Variants in TRAPPC12 observed in about 807,000 individuals in gnomAD.
The protein encoded by TRAPPC12 is trafficking protein particle complex subunit 12, also known as TPR repeat protein 15.
In TRAPPC12, 61 loss-of-function variants were observed where a neutral mutation model predicts 69.2. The observed-to-expected ratio is 0.88, with a 90% CI of 0.72 to 1.09. The LOEUF (loss-of-function observed/expected upper bound fraction) is 1.09, where lower values mean the gene tolerates loss of function less well. Among genes scored for constraint, TRAPPC12 ranks in the 50% least tolerant of loss-of-function variants. The pLI, the probability that TRAPPC12 is intolerant of heterozygous loss-of-function variation, is 0.00. For synonymous variants in TRAPPC12, 469 were observed against 438.9 expected, an observed-to-expected ratio of 1.07 and a Z score of -0.86; for missense variants, 1,101 against 1,016.4, an observed-to-expected ratio of 1.08 and a Z score of -1.13.
chr2:3,473,911 G>C (rs1666177229), intron 9 of TRAPPC12, among the ~76,000 whole-genome samples: 1 of 152,204 alleles, frequency 6.6e-6, no homozygotes, highest in African/African-American at 2.4e-5. Context: ...TAACATAGCT[G>C]TTCTGTCTTT....
chr2:3,468,467 G>C (rs1665921954), intron 9 of TRAPPC12, among the ~76,000 whole-genome samples: 1 of 152,120 alleles, frequency 6.6e-6, no homozygotes, highest in African/African-American at 2.4e-5. Context: ...TCATCGTCGT[G>C]TGTAGATGAT....
chr2:3,472,764 A>G (rs1666121027), intron 9 of TRAPPC12, among the ~76,000 whole-genome samples: 1 of 152,222 alleles, frequency 6.6e-6, no homozygotes, highest in Non-Finnish European at 1.5e-5. Flanking sequence ...CAGCTGCTAA[A>G]TTAAAAACGA....
At chr2:3,478,655 A>T in intron 10 of TRAPPC12, 191 bp from the exon 11 acceptor site, 1 of 550,304 alleles carries the variant, frequency 1.8e-6, no homozygotes, top group South Asian at 2.6e-5. Flanking sequence ...ATAAATAAAA[A>T]CTAGAGTGGC....
intron 9 of TRAPPC12, among the ~76,000 whole-genome samples, chr2:3,467,062 A>C (rs1665847762): frequency 6.6e-6 from 1 of 152,220 alleles, no homozygotes; most frequent in African/African-American, 2.4e-5. Flanking sequence ...TTCTCCTTCC[A>C]GGGGGAGCCA....
chr2:3,464,968 G>A (rs953495438), intron 8 of TRAPPC12, among the ~76,000 whole-genome samples: 4 of 152,216 alleles, frequency 2.6e-5, no homozygotes, highest in Non-Finnish European at 4.4e-5. Context: ...CCCTGAGCAC[G>A]GCAGCTGGCA....
chr2:3,439,252 G>A (rs1290784979), intron 5 of TRAPPC12, among the ~76,000 whole-genome samples: 3 of 152,162 alleles, frequency 2.0e-5, no homozygotes, highest in African/African-American at 7.2e-5. Flanking sequence ...TTGGTGATAT[G>A]TCTGTTCAGA....
chr2:3,430,455 TTGTC>T (rs1245601682), intron 5 of TRAPPC12, among the ~76,000 whole-genome samples: 3 of 152,248 alleles, frequency 2.0e-5, no homozygotes, highest in Non-Finnish European at 2.9e-5. Flanking sequence ...TATGTGTCCT[TTGTC>T]TGTCGGAGTC....
intron 3 of TRAPPC12, among the ~76,000 whole-genome samples, chr2:3,408,185 A>G (rs1201452392): frequency 4.6e-5 from 7 of 152,198 alleles, no homozygotes; most frequent in African/African-American, 1.4e-4. Flanking sequence ...GGAAATGTCT[A>G]CCGTGCCTCC....
chr2:3,457,669 A>G lies in TRAPPC12; in HGVS notation c.1579A>G (p.Ser527Gly), dbSNP rs1273699069. 1 of 1,611,550 alleles carries G rather than the reference A, an allele frequency of 6.2e-7. No homozygotes were observed. Among genetic ancestry groups the G allele is most frequent in the Non-Finnish European group, 8.5e-7 (1 of 1,179,988 alleles). The change falls in exon 7 of 12, where the codon AGC becomes GGC. Residue 527 changes from serine to glycine, a missense_variant. Physicochemically the swap from Ser to Gly is moderately conservative, Grantham distance 56 (BLOSUM62 0). Transcript: ENST00000324266. Reference protein sequence around the residue: ...QGLAEDGGMSSVTQEGRQASI... With the variant: ...QGLAEDGGMSGVTQEGRQASI... ...CTTAGCAGAAGACGGCGGCATGAGCAGCGTGACTCAGGAGGGCAGACAAGG... is the reference window on the plus strand; with the variant it reads ...CTTAGCAGAAGACGGCGGCATGAGCGGCGTGACTCAGGAGGGCAGACAAGG...
intron 2 of TRAPPC12, chr2:3,389,551 A>C: frequency 2.4e-6 from 1 of 412,984 alleles, no homozygotes; most frequent in Non-Finnish European, 5.1e-6. Flanking sequence ...GGGATGTTAC[A>C]GCGTGCACAC....
At chr2:3,413,277 A>G (rs1471034856) in intron 3 of TRAPPC12, among the ~76,000 whole-genome samples, 1 of 152,196 alleles carries the variant, frequency 6.6e-6, no homozygotes, top group African/African-American at 2.4e-5. Context: ...ACTCAAGGAA[A>G]TATGGTCTTG....
chr2:3,447,962 TTAAAG>T (rs1370791001), intron 6 of TRAPPC12, among the ~76,000 whole-genome samples: 2 of 152,196 alleles, frequency 1.3e-5, no homozygotes. Context: ...GCTGCATTGT[TTAAAG>T]TATTCACCAC....
intron 2 of TRAPPC12, among the ~76,000 whole-genome samples, chr2:3,390,754 G>A (rs1172571325): frequency 6.6e-6 from 1 of 152,142 alleles, no homozygotes; most frequent in East Asian, 1.9e-4. Context: ...ACAATGATGT[G>A]TCCATGTAGA....
At chr2:3,436,667 C>T (rs866779568) in intron 5 of TRAPPC12, among the ~76,000 whole-genome samples, 8 of 151,810 alleles carry the variant, frequency 5.3e-5, no homozygotes, top group African/African-American at 9.7e-5. Flanking sequence ...AATGGCGTTG[C>T]GTGTTCATTG....
chr2:3,388,266 G>T lies in TRAPPC12; in HGVS notation c.643G>T (p.Ala215Ser). The change falls in exon 2 of 12, where the codon GCC (alanine) becomes TCC (serine). Residue 215 changes from alanine (A) to serine (S), a missense_variant. Coordinates refer to ENST00000324266, the MANE Select transcript of TRAPPC12 (RefSeq NM_016030.6). ...CAGCACGTTCTTCGGAGACACGGCC[G>T]CCAGCCACTCCTTGGCCTCGGACTT... ...SLSTFFGDTA[A>S]SHSLASDFFD... 1.2e-6 allele frequency: 2 copies of T among 1,603,574 alleles called. No individual in the cohort carries two copies. The highest frequency in any genetic ancestry group is 1.7e-6 in the Non-Finnish European group (2 of 1,176,322).
chr2:3,388,196 C>G lies in TRAPPC12; in HGVS notation c.573C>G (p.Ala191=). 1.2e-6 allele frequency: 2 copies of G among 1,609,410 alleles called. No individual in the cohort carries two copies. Among genetic ancestry groups the G allele is most frequent in the Non-Finnish European group, 8.5e-7 (1 of 1,178,000 alleles). Residue 191 remains alanine (A), a synonymous_variant, in exon 2 of 12, where the codon GCC becomes GCG. Transcript: ENST00000324266. The part of the protein sequence containing the change: ...KSPSFGGASE[A]SARTPPQVVQ... ...CCAGCTTCGGTGGCGCCAGCGAGGCCTCGGCCAGGACACCGCCCCAGGTCG... is the reference window on the plus strand; with the variant it reads ...CCAGCTTCGGTGGCGCCAGCGAGGCGTCGGCCAGGACACCGCCCCAGGTCG...
intron 6 of TRAPPC12, among the ~76,000 whole-genome samples, chr2:3,447,725 A>G (rs1367873836): frequency 6.6e-6 from 1 of 152,110 alleles, no homozygotes; most frequent in Non-Finnish European, 1.5e-5. Flanking sequence ...CCAGCCCACC[A>G]CTATTCTGCC....
At chr2:3,460,651 C>T in intron 8 of TRAPPC12, 1 of 320,068 alleles carries the variant, frequency 3.1e-6, no homozygotes, top group South Asian at 7.8e-5. Context: ...CAGAAGGTGT[C>T]CTTTGTTCTC....
At chr2:3,391,397 C>T (rs1215059248) in intron 2 of TRAPPC12, among the ~76,000 whole-genome samples, 1 of 152,122 alleles carries the variant, frequency 6.6e-6, no homozygotes, top group Non-Finnish European at 1.5e-5. Flanking sequence ...ATGGCTGAGA[C>T]CTAGGAGTGG....
Sources: allele counts gnomAD v4.1 joint callset (sites outside exome capture counted in the v4.1 genomes callset), GRCh38; gene constraint gnomAD v4.1.1; transcripts MANE v1.5; gene names NCBI Gene and HGNC (gene_info 2026-07-23, HGNC 2026-07-21).